The following RAB3IP variants were observed in gnomAD, a reference collection of about 807,000 sequenced individuals.
RAB3IP encodes rab-3A-interacting protein.
Under a neutral mutation model 59.1 loss-of-function variants are expected in RAB3IP, and 36 were observed. The ratio of observed to expected loss-of-function variants is 0.61; its 90% CI spans 0.47 to 0.80. The LOEUF is 0.80. RAB3IP is among the 30% of genes least tolerant of loss of function. The pLI is 0.00. For missense variants in RAB3IP, 511 were observed against 536.0 expected (o/e 0.95, Z 0.46); for synonymous variants, 207 against 191.2 (o/e 1.08, Z -0.68).
chr12:69,812,040 C>T (rs954136519), intron 8 of RAB3IP: 4 of 152,132 alleles, frequency 2.6e-5, no homozygotes, highest in African/African-American at 9.7e-5. Context: ...AGCTTTATCT[C>T]ATGGAGCCAT....
chr12:69,800,698 T>C (rs142224294), intron 7 of RAB3IP, among the ~76,000 whole-genome samples: 33 of 152,326 alleles, frequency 2.2e-4, no homozygotes, highest in Admixed American at 6.5e-4. Context: ...GTACATGATT[T>C]AAAAATCTAA....
At position 69,795,315 on chromosome 12, in the gene RAB3IP, A is replaced by C; in HGVS notation, c.859A>C (p.Ile287Leu). 1.2e-6 allele frequency: 2 copies of C among 1,614,018 alleles called. No homozygotes were observed. The highest frequency in any genetic ancestry group is 2.2e-5 in the South Asian group (2 of 91,080). The change falls in exon 6 of 11, where the codon ATA (isoleucine) becomes CTA (leucine). Residue 287 changes from isoleucine to leucine, a missense_variant. Coordinates refer to ENST00000247833, the MANE Select transcript of RAB3IP (RefSeq NM_022456.5). ...TGGCAGTCATCAGGACCTCAGTGTG[A>C]TACAGCCAATTGTAAAAGACTGCAA... is the stretch of plus-strand genomic sequence containing the variant. The part of the protein sequence containing the change: ...MSGSHQDLSV[I>L]QPIVKDCKEA...
intron 1 of RAB3IP, among the ~76,000 whole-genome samples, chr12:69,752,284 G>A (rs1193484450): frequency 6.6e-6 from 1 of 150,544 alleles, no homozygotes; most frequent in Non-Finnish European, 1.5e-5. Flanking sequence ...GATTACAAGT[G>A]TGAGCCACTG....
chr12:69,790,648 G>A (rs527867961), intron 4 of RAB3IP, among the ~76,000 whole-genome samples: 2 of 151,986 alleles, frequency 1.3e-5, no homozygotes, highest in East Asian at 3.9e-4. Context: ...GCAATGGTGC[G>A]ATCTTGATTC....
intron 1 of RAB3IP, among the ~76,000 whole-genome samples, chr12:69,740,905 G>A (rs1238888228): frequency 4.6e-5 from 7 of 152,184 alleles, no homozygotes; most frequent in Non-Finnish European, 7.3e-5. Flanking sequence ...AGGAGTCAGT[G>A]AACAAATTAG....
chr12:69,801,659 A>G lies in RAB3IP; in HGVS notation c.1068A>G (p.Glu356=), dbSNP rs61758770. The change falls in exon 8 of 11, where the codon GAA becomes GAG. Residue 356 remains glutamate (E), a synonymous_variant. Transcript: ENST00000247833. ...EAVENNTLSI[E]PVGLQPIRFV... ...TGGAAAACAATACTCTAAGCATTGA[A>G]CCAGTGGGATTACAACCTATCCGGT... The G allele has an allele frequency of 6.7e-3, 10,755 of 1,613,118 alleles. 698 individuals carry two copies. In the Admixed American group the frequency reaches 0.13, roughly 20 times the overall value.
At position 69,739,936 on chromosome 12, in the gene RAB3IP, A is replaced by G. The variant is rs562503866; in HGVS notation, c.-26+905A>G. The G allele has an allele frequency of 4.5e-5, 69 of 1,527,054 alleles. No individual in the cohort carries two copies. The African/African-American group carries it at 7.9e-4, about 18-fold the overall frequency. 94.6% of individuals were successfully genotyped at this position (1,527,054 alleles called of 1,614,324 possible). On this transcript the variant is annotated intron_variant, in intron 1 of 10. Transcript: ENST00000247833. ...GATTACTGAGAGGCAATTTAGTTTC[A>G]TGGAAATGTTGCCTGTTCGGAGGCT...
At chr12:69,755,917 C>T (rs760407922) in intron 2 of RAB3IP, among the ~76,000 whole-genome samples, 1 of 152,184 alleles carries the variant, frequency 6.6e-6, no homozygotes, top group Non-Finnish European at 1.5e-5. Flanking sequence ...AGTTTGAAAG[C>T]AGCCATAGAC....
At position 69,812,951 on chromosome 12, in the gene RAB3IP, C is replaced by G; in HGVS notation, c.1231-13C>G. 5.6e-6 allele frequency: 9 copies of G among 1,612,278 alleles called. No homozygotes were observed. The highest frequency in any genetic ancestry group is 7.6e-6 in the Non-Finnish European group (9 of 1,178,396). Reference sequence around the variant, plus strand: ...CATTTGACCATTCATGACATTTTCTCCATTTGGCCTAGATCACTTCTGTAT... The same window carrying G: ...CATTTGACCATTCATGACATTTTCTGCATTTGGCCTAGATCACTTCTGTAT... On this transcript the variant is annotated splice_polypyrimidine_tract_variant and intron_variant, in intron 9 of 10. Coordinates refer to ENST00000247833, the MANE Select transcript of RAB3IP (RefSeq NM_022456.5).
At chr12:69,797,319 T>C (rs1242885931) in intron 6 of RAB3IP, among the ~76,000 whole-genome samples, 1 of 152,188 alleles carries the variant, frequency 6.6e-6, no homozygotes, top group East Asian at 1.9e-4. Context: ...AATATCTGTC[T>C]TGCACAGTTG....
At position 69,801,602 on chromosome 12, in the gene RAB3IP, T is replaced by A; in HGVS notation, c.1018-7T>A. 1 of 1,595,702 alleles carries A rather than the reference T, an allele frequency of 6.3e-7. No individual in the cohort carries two copies. Among genetic ancestry groups the A allele is most frequent in the Non-Finnish European group, 8.6e-7 (1 of 1,168,122 alleles). ...ATAGCATCTAGTACTTTTTCTTTTT[T>A]TTTAAGTTGGCTTCAGCTGTTCTGG... On this transcript the variant is annotated splice_region_variant and splice_polypyrimidine_tract_variant and intron_variant, in intron 7 of 10. Transcript: ENST00000247833.
intron 10 of RAB3IP, among the ~76,000 whole-genome samples, chr12:69,814,276 G>A (rs1050591380): frequency 3.4e-4 from 52 of 152,228 alleles, no homozygotes; most frequent in South Asian, 2.1e-4. Flanking sequence ...AAAGTGTTAC[G>A]AGTAATGAAT....
chr12:69,778,522 T>C (rs142640448), intron 3 of RAB3IP, among the ~76,000 whole-genome samples: 47,678 of 145,818 alleles, frequency 0.33, 8,110 homozygotes, highest in Non-Finnish European at 0.37. Context: ...TTTTCTGTAC[T>C]GTTTTTTCCC....
intron 1 of RAB3IP, among the ~76,000 whole-genome samples, chr12:69,740,586 C>G (rs760817377): frequency 6.6e-6 from 1 of 152,160 alleles, no homozygotes; most frequent in South Asian, 2.1e-4. Context: ...GTACTGAATA[C>G]TTGTAATCTT....
At chr12:69,814,946 C>G (rs1415410544) in intron 10 of RAB3IP, among the ~76,000 whole-genome samples, 2 of 151,850 alleles carry the variant, frequency 1.3e-5, no homozygotes, top group African/African-American at 4.8e-5. Flanking sequence ...CTTTTTTTGC[C>G]CTTCACCCTC....
At chr12:69,761,784 C>T (rs1309177610) in intron 3 of RAB3IP, among the ~76,000 whole-genome samples, 1 of 152,022 alleles carries the variant, frequency 6.6e-6, no homozygotes, top group African/African-American at 2.4e-5. Context: ...ATAAGTAACC[C>T]CCAAATTTTC....
At chr12:69,795,755 A>T (rs973736719) in intron 6 of RAB3IP, 2 of 227,600 alleles carry the variant, frequency 8.8e-6, no homozygotes, top group Non-Finnish European at 8.4e-6. Context: ...TTCAGAGAGA[A>T]TTTTATGTCA....
At chr12:69,791,047 G>A (rs769144056) in intron 4 of RAB3IP, among the ~76,000 whole-genome samples, 23 of 152,280 alleles carry the variant, frequency 1.5e-4, no homozygotes, top group Middle Eastern at 3.4e-3. Flanking sequence ...CACATTTTTG[G>A]TTAGCTGACC....
rs756077302 is a variant in RAB3IP, at chr12:69,822,891, CTG to C, written c.*7447_*7448del. On this transcript the variant is annotated 3_prime_UTR_variant, in exon 11 of 11. Transcript: ENST00000247833. ...TCGCACCATACTAGGCACACAATCT[CTG>C]TACCTGTGCTGTCTTCCAAGCCATT... 1 of 152,176 alleles carries C rather than the reference CTG, an allele frequency of 6.6e-6. No individual in the cohort carries two copies. Among genetic ancestry groups the C allele is most frequent in the Non-Finnish European group, 1.5e-5 (1 of 68,028 alleles). The allele number at this position is 152,176 out of a possible 1,614,324, so 9.4% of individuals were successfully genotyped here.
Sources: allele counts gnomAD v4.1 joint callset (sites outside exome capture counted in the v4.1 genomes callset), GRCh38; gene constraint gnomAD v4.1.1; transcripts MANE v1.5; gene names NCBI Gene and HGNC (gene_info 2026-07-23, HGNC 2026-07-21).